The following VPS13B variants were observed in gnomAD, a reference collection of about 807,000 sequenced individuals.
VPS13B encodes vacuolar protein sorting 13 homolog B.
Under a neutral mutation model 426.4 loss-of-function variants are expected in VPS13B, and 285 were observed. The observed-to-expected ratio is 0.67, with a 90% CI of 0.61 to 0.74. VPS13B has a LOEUF of 0.74. VPS13B is among the 30% of genes least tolerant of loss of function. The probability of loss-of-function intolerance (pLI) is 0.00; values close to 1 mark genes in which losing one functional copy is unlikely to be tolerated. For synonymous variants in VPS13B, 1,676 were observed against 1,676.4 expected (o/e 1.00, Z 0.01); for missense variants, 4,537 against 4,782.6 (o/e 0.95, Z 1.51).
chr8:99,819,380 AATT>A (rs752879221), intron 47 of VPS13B, 29 bp from the exon 48 acceptor site: 1 of 1,608,942 alleles, frequency 6.2e-7, no homozygotes, highest in South Asian at 1.1e-5. Context: ...GAAATCTGAT[AATT>A]ATTCTTGGTT....
chr8:99,829,510 G>A (rs969560566), intron 51 of VPS13B, among the ~76,000 whole-genome samples: 5 of 152,036 alleles, frequency 3.3e-5, no homozygotes, highest in African/African-American at 1.2e-4. Context: ...CTTTTATCGC[G>A]GTTCTTAGCT....
At chr8:99,725,339 A>G (rs1430031098) in intron 39 of VPS13B, among the ~76,000 whole-genome samples, 1 of 152,186 alleles carries the variant, frequency 6.6e-6, no homozygotes, top group African/African-American at 2.4e-5. Flanking sequence ...GGTGAGTGGC[A>G]GGCAAGCATT....
chr8:99,640,049 G>GAAGAAGAAGAAGAAGAAGAGAAAAGAAA (rs1299280170), intron 33 of VPS13B, among the ~76,000 whole-genome samples: 1 of 99,722 alleles, frequency 1.0e-5, no homozygotes, highest in Non-Finnish European at 2.0e-5. Flanking sequence ...AGAAGAAGAA[G>GAAGAAGAAGAAGAAGAAGAGAAAAGAAA]AGAAAAGAAA....
chr8:99,135,103 A>G lies in VPS13B; in HGVS notation c.1391A>G (p.Lys464Arg). The G allele has an allele frequency of 6.2e-7, 1 of 1,613,530 alleles. No homozygotes were observed. Among genetic ancestry groups the G allele is most frequent in the Non-Finnish European group, 8.5e-7 (1 of 1,179,566 alleles). ...TGCCTTAAAGGAATTATGGGTGTTA[A>G]AGATTTTGAAGAGAATATGAATAGA... ...AMCLKGIMGV[K>R]DFEENMNRSE... The change falls in exon 10 of 62, where the codon AAA becomes AGA. Residue 464 changes from lysine (K) to arginine (R), a missense_variant. Transcript: ENST00000357162.
chr8:99,866,099 C>T (rs1817083380), intron 58 of VPS13B, among the ~76,000 whole-genome samples: 1 of 152,258 alleles, frequency 6.6e-6, no homozygotes, highest in South Asian at 2.1e-4. Flanking sequence ...TTCATCAGAT[C>T]ACAGCCATCT....
At chr8:99,241,505 T>C (rs1388868650) in intron 17 of VPS13B, 1 of 152,232 alleles carries the variant, frequency 6.6e-6, no homozygotes, top group East Asian at 1.9e-4. Context: ...TTGGCTATTC[T>C]ATTTTTCAAG....
At chr8:99,664,452 T>G (rs909921398) in intron 35 of VPS13B, among the ~76,000 whole-genome samples, 3 of 152,104 alleles carry the variant, frequency 2.0e-5, no homozygotes, top group African/African-American at 7.2e-5. Context: ...TATCTCCTAA[T>G]GCTATCCCTC....
intron 33 of VPS13B, among the ~76,000 whole-genome samples, chr8:99,578,079 A>G (rs922869827): frequency 1.3e-5 from 2 of 152,182 alleles, no homozygotes; most frequent in Non-Finnish European, 2.9e-5. Flanking sequence ...AATGGACACA[A>G]TCATAAAAGT....
intron 3 of VPS13B, among the ~76,000 whole-genome samples, chr8:99,086,467 T>C (rs1845810124): frequency 6.6e-6 from 1 of 152,212 alleles, no homozygotes; most frequent in African/African-American, 2.4e-5. Flanking sequence ...ATCGTCAAAG[T>C]CATTGTCCGT....
chr8:99,330,543 CT>C (rs1563671420), intron 19 of VPS13B, among the ~76,000 whole-genome samples: 2 of 152,022 alleles, frequency 1.3e-5, no homozygotes, highest in African/African-American at 4.8e-5. Flanking sequence ...TCCCTCACCC[CT>C]ACTCCTAGCC....
chr8:99,270,266 T>G (rs1004593499), intron 17 of VPS13B, among the ~76,000 whole-genome samples: 4 of 150,090 alleles, frequency 2.7e-5, no homozygotes, highest in African/African-American at 7.3e-5. Context: ...AGCCTCCTGA[T>G]TAGCTGGAAT....
intron 54 of VPS13B, among the ~76,000 whole-genome samples, chr8:99,842,713 A>G (rs1588772316): frequency 6.6e-6 from 1 of 152,230 alleles, no homozygotes; most frequent in Admixed American, 6.5e-5. Flanking sequence ...TTTGTTACAT[A>G]TAAATAATCA....
intron 23 of VPS13B, among the ~76,000 whole-genome samples, chr8:99,449,485 GA>G (rs1211677571): frequency 6.6e-6 from 1 of 151,994 alleles, no homozygotes; most frequent in Non-Finnish European, 1.5e-5. Flanking sequence ...GGGAAAACAT[GA>G]AAAAAGATAG....
At chr8:99,620,843 C>T in intron 33 of VPS13B, among the ~76,000 whole-genome samples, 1 of 151,484 alleles carries the variant, frequency 6.6e-6, no homozygotes, top group East Asian at 1.9e-4. Flanking sequence ...CAAAATTAGC[C>T]ATGTGTGGTG....
At chr8:99,463,692 T>A (rs1818951041) in intron 23 of VPS13B, among the ~76,000 whole-genome samples, 1 of 152,134 alleles carries the variant, frequency 6.6e-6, no homozygotes, top group African/African-American at 2.4e-5. Context: ...TCTTTAACTG[T>A]CTATTTTATT....
intron 19 of VPS13B, among the ~76,000 whole-genome samples, chr8:99,372,201 G>A (rs1176601335): frequency 3.4e-5 from 5 of 148,970 alleles, no homozygotes; most frequent in Non-Finnish European, 7.4e-5. Flanking sequence ...GCAGTGAGCC[G>A]AGATTGCGCC....
intron 30 of VPS13B, among the ~76,000 whole-genome samples, chr8:99,521,311 G>A (rs1373326292): frequency 6.6e-6 from 1 of 152,142 alleles, no homozygotes; most frequent in African/African-American, 2.4e-5. Flanking sequence ...AATCACATAA[G>A]AAAACGAGGT....
intron 25 of VPS13B, among the ~76,000 whole-genome samples, chr8:99,486,131 C>A (rs1189580092): frequency 6.6e-6 from 1 of 152,072 alleles, no homozygotes; most frequent in African/African-American, 2.4e-5. Context: ...TTCAGGGAAC[C>A]TTGGGCAGTT....
intron 58 of VPS13B, among the ~76,000 whole-genome samples, chr8:99,865,932 T>C (rs1817075871): frequency 6.6e-6 from 1 of 152,038 alleles, no homozygotes; most frequent in East Asian, 1.9e-4. Context: ...CAGAAAGAGG[T>C]AAGGGAAGGC....
Sources: allele counts gnomAD v4.1 joint callset (sites outside exome capture counted in the v4.1 genomes callset), GRCh38; gene constraint gnomAD v4.1.1; transcripts MANE v1.5; gene names NCBI Gene and HGNC (gene_info 2026-07-23, HGNC 2026-07-21).